SEMA3A: variants seen among roughly 807,000 people sequenced by gnomAD.
The protein encoded by SEMA3A is semaphorin-3A.
SEMA3A carries 29 observed loss-of-function variants against 97.9 expected under a neutral mutation model. The ratio of observed to expected loss-of-function variants is 0.30; its 90% CI spans 0.22 to 0.40. The LOEUF (loss-of-function observed/expected upper bound fraction) is 0.40, where lower values mean the gene tolerates loss of function less well. Among genes scored for constraint, SEMA3A ranks in the 10% least tolerant of loss-of-function variants. The pLI is 1.00. For synonymous variants in SEMA3A, 321 were observed against 323.7 expected, an observed-to-expected ratio of 0.99 and a Z score of 0.09; for missense variants, 763 against 951.3, an observed-to-expected ratio of 0.80 and a Z score of 2.60.
At chr7:84,409,992 G>T (rs1804216269) in intron 1 of SEMA3A, among the ~76,000 whole-genome samples, 1 of 151,790 alleles carries the variant, frequency 6.6e-6, no homozygotes, top group Non-Finnish European at 1.5e-5. Context: ...TTGTTATTTG[G>T]AAAAATGATT....
intron 5 of SEMA3A, among the ~76,000 whole-genome samples, chr7:84,049,961 G>A (rs1301428399): frequency 2.0e-5 from 3 of 147,330 alleles, no homozygotes; most frequent in African/African-American, 5.0e-5. Context: ...GAGAATATGC[G>A]GTGTTTGGTT....
chr7:84,443,749 C>T (rs1422311651), intron 1 of SEMA3A, among the ~76,000 whole-genome samples: 1 of 152,112 alleles, frequency 6.6e-6, no homozygotes, highest in East Asian at 1.9e-4. Flanking sequence ...GTTCTCTGGC[C>T]TTCCAGAAAG....
chr7:84,136,319 T>G (rs1796123666), intron 1 of SEMA3A, among the ~76,000 whole-genome samples: 1 of 152,218 alleles, frequency 6.6e-6, no homozygotes, highest in African/African-American at 2.4e-5. Flanking sequence ...CTATTTGTCC[T>G]ACTGACCTCT....
At chr7:83,964,870 G>T (rs1287468062) in intron 15 of SEMA3A, among the ~76,000 whole-genome samples, 1 of 151,878 alleles carries the variant, frequency 6.6e-6, no homozygotes, top group Non-Finnish European at 1.5e-5. Context: ...TCCCCTCTGA[G>T]ATTATTAGTG....
chr7:84,056,918 C>T (rs1026298106), intron 5 of SEMA3A, among the ~76,000 whole-genome samples: 21 of 152,034 alleles, frequency 1.4e-4, no homozygotes, highest in Non-Finnish European at 1.3e-4. Context: ...ACACAAGCAC[C>T]GAAAATAATA....
chr7:84,113,567 A>C (rs919925125), intron 3 of SEMA3A, among the ~76,000 whole-genome samples: 11 of 152,152 alleles, frequency 7.2e-5, no homozygotes, highest in Non-Finnish European at 1.5e-4. Context: ...TTTGGCCTTA[A>C]ACTACTGCAC....
chr7:84,083,453 G>A (rs1794230025), intron 4 of SEMA3A, among the ~76,000 whole-genome samples: 1 of 151,660 alleles, frequency 6.6e-6, no homozygotes, highest in African/African-American at 2.4e-5. Flanking sequence ...TGTGTGTTAG[G>A]AACACTCCAA....
chr7:84,457,547 G>C (rs1406462796), intron 1 of SEMA3A, among the ~76,000 whole-genome samples: 2 of 151,700 alleles, frequency 1.3e-5, no homozygotes, highest in Non-Finnish European at 3.0e-5. Flanking sequence ...TGATGTTTTG[G>C]CCCAGTGAAT....
chr7:84,000,035 C>T (rs1790377060), intron 12 of SEMA3A, among the ~76,000 whole-genome samples: 1 of 151,956 alleles, frequency 6.6e-6, no homozygotes, highest in African/African-American at 2.4e-5. Context: ...AATTCATTCA[C>T]TCATTTAATA....
intron 1 of SEMA3A, among the ~76,000 whole-genome samples, chr7:84,162,397 A>T (rs147648710): frequency 1.3e-5 from 2 of 152,182 alleles, no homozygotes; most frequent in East Asian, 3.9e-4. Flanking sequence ...CTAGAGTCAA[A>T]CCTGGGATCC....
At chr7:84,105,709 T>C (rs996900556) in intron 4 of SEMA3A, among the ~76,000 whole-genome samples, 4 of 152,170 alleles carry the variant, frequency 2.6e-5, no homozygotes, top group African/African-American at 4.8e-5. Flanking sequence ...TACTTTGTTT[T>C]ATTAACAGAT....
At chr7:84,070,830 A>G (rs527731914) in intron 4 of SEMA3A, among the ~76,000 whole-genome samples, 1 of 152,068 alleles carries the variant, frequency 6.6e-6, no homozygotes, top group East Asian at 1.9e-4. Flanking sequence ...TTTTCCTTTG[A>G]GATTAAATTC....
At chr7:84,488,100 A>T (rs2116447305) in intron 1 of SEMA3A, among the ~76,000 whole-genome samples, 1 of 152,226 alleles carries the variant, frequency 6.6e-6, no homozygotes, top group African/African-American at 2.4e-5. Flanking sequence ...TTATACGGGA[A>T]AGGATAAACC....
At chr7:84,253,269 T>A (rs1272098417) in intron 3 of SEMA3A, among the ~76,000 whole-genome samples, 1 of 152,152 alleles carries the variant, frequency 6.6e-6, no homozygotes, top group African/African-American at 2.4e-5. Context: ...CAGTAAGCAT[T>A]TCCTGGGCAT....
chr7:84,121,761 C>T lies in SEMA3A; in HGVS notation c.333+7362G>A, dbSNP rs1400411900. 7.2e-5 allele frequency among the ~76,000 whole-genome samples: 3 copies of T among 41,948 alleles called. 1 individual carries two copies. The highest frequency in any genetic ancestry group is 2.8e-4 in the African/African-American group (3 of 10,718). 27.5% of individuals were successfully genotyped at this position (41,948 alleles called of 152,430 possible). A position where few individuals can be genotyped will look rare whatever the true frequency, so the allele number is the denominator to read the frequency against. On this transcript the variant is annotated intron_variant, in intron 3 of 16. Transcript: ENST00000265362. Reference sequence around the variant, plus strand: ...TCACGCCATTCTCCTGCCTCAGCCTCCCAAGTAGCTGGGACTACAGGCGCC... The same window carrying T: ...TCACGCCATTCTCCTGCCTCAGCCTTCCAAGTAGCTGGGACTACAGGCGCC...
chr7:84,350,458 T>G (rs1390884009), intron 2 of SEMA3A, among the ~76,000 whole-genome samples: 1 of 152,188 alleles, frequency 6.6e-6, no homozygotes, highest in Non-Finnish European at 1.5e-5. Flanking sequence ...TCATTTTTAT[T>G]AAAACTGATT....
At chr7:84,482,461 T>C (rs915918837) in intron 1 of SEMA3A, among the ~76,000 whole-genome samples, 31 of 152,210 alleles carry the variant, frequency 2.0e-4, no homozygotes, top group South Asian at 4.1e-4. Context: ...ATCAATAGCA[T>C]TGGCAATAAC....
chr7:84,488,557 C>T (rs981276962), intron 1 of SEMA3A, among the ~76,000 whole-genome samples: 33 of 152,068 alleles, frequency 2.2e-4, no homozygotes, highest in East Asian at 2.1e-3. Context: ...AGAGTGATCT[C>T]TGTTTGTCAG....
At chr7:83,966,203 T>G (rs1441011263) in intron 15 of SEMA3A, among the ~76,000 whole-genome samples, 1 of 152,146 alleles carries the variant, frequency 6.6e-6, no homozygotes, top group African/African-American at 2.4e-5. Context: ...TATTCTTTTA[T>G]TAAAAAATTA....
Sources: allele counts gnomAD v4.1 joint callset (sites outside exome capture counted in the v4.1 genomes callset), GRCh38; gene constraint gnomAD v4.1.1; transcripts MANE v1.5; gene names NCBI Gene and HGNC (gene_info 2026-07-23, HGNC 2026-07-21).